OSBPL9: variants seen among roughly 807,000 people sequenced by gnomAD.
OSBPL9 encodes oxysterol-binding protein-related protein 9.
A neutral mutation model predicts 106.6 loss-of-function variants in OSBPL9; 40 were observed. That is an observed-to-expected ratio of 0.38 (90% confidence interval 0.29 to 0.49). OSBPL9 has a LOEUF of 0.49. OSBPL9 is among the 20% of genes least tolerant of loss of function. The pLI, the probability that OSBPL9 is intolerant of heterozygous loss-of-function variation, is 0.97. For missense variants in OSBPL9, 609 were observed against 887.2 expected (o/e 0.69, Z 3.98); for synonymous variants, 269 against 295.4 (o/e 0.91, Z 0.92).
At chr1:51,539,525 G>T in the OSBPL9 span, among the ~76,000 whole-genome samples, 1 of 151,998 alleles carries the variant, frequency 6.6e-6, no homozygotes. Context: ...CCATACACCA[G>T]CTACAATGAC....
the OSBPL9 span, among the ~76,000 whole-genome samples, chr1:51,530,176 A>AAAAAAAAAAAAAAAAAAAAAAAAC: frequency 3.7e-5 from 4 of 107,720 alleles, no homozygotes; most frequent in Admixed American, 9.0e-5. Flanking sequence ...GTCTCAAAAA[A>AAAAAAAAAAAAAAAAAAAAAAAAC]AAAAAAAAAA....
chr1:51,621,638 A>G (rs189929755), intron 1 of OSBPL9, among the ~76,000 whole-genome samples: 7 of 152,234 alleles, frequency 4.6e-5, no homozygotes, highest in Non-Finnish European at 8.8e-5. Flanking sequence ...AGAATGTCGC[A>G]AACATTTCTT....
chr1:51,563,955 G>A, the OSBPL9 span, among the ~76,000 whole-genome samples: 1 of 145,870 alleles, frequency 6.9e-6, no homozygotes, highest in South Asian at 2.2e-4. Flanking sequence ...GTGGTGGCAT[G>A]CACCTGGTGG....
chr1:51,731,454 A>G (rs1664387324), intron 4 of OSBPL9, among the ~76,000 whole-genome samples: 1 of 151,998 alleles, frequency 6.6e-6, no homozygotes, highest in Non-Finnish European at 1.5e-5. Context: ...CTCTGTCTCA[A>G]AGCAAAACAA....
rs139620159 is a variant in OSBPL9 at position 51,598,703 on chromosome 1, T to A, written c.-353+510T>A. On this transcript the variant is annotated intron_variant, in intron 2 of 25. Coordinates refer to the OSBPL9 transcript ENST00000371714. Reference sequence around the variant, plus strand: ...TAGTTGGGTGCAGTTTTAAAAGGAGTGTGACATGGGCTGGGCACGGTGGCT... The same window carrying A: ...TAGTTGGGTGCAGTTTTAAAAGGAGAGTGACATGGGCTGGGCACGGTGGCT... 2.3e-3 allele frequency among the ~76,000 whole-genome samples: 351 copies of A among 152,042 alleles called. 3 individuals carry two copies. Among genetic ancestry groups the A allele is most frequent in the African/African-American group, 8.2e-3 (342 of 41,474 alleles).
At chr1:51,760,964 A>G (rs949646764) in intron 10 of OSBPL9, among the ~76,000 whole-genome samples, 184 bp downstream of exon 10, 6 of 152,262 alleles carry the variant, frequency 3.9e-5, no homozygotes, top group Non-Finnish European at 7.3e-5. Flanking sequence ...TTGGGGCTTT[A>G]CTGAAGTGTG....
intron 3 of OSBPL9, among the ~76,000 whole-genome samples, chr1:51,703,124 G>A (rs1657667986): frequency 6.6e-6 from 1 of 152,168 alleles, no homozygotes; most frequent in Non-Finnish European, 1.5e-5. Context: ...TGGCAATGTG[G>A]GCTCTTTTTT....
At chr1:51,602,018 C>CTTTTTTTTTTTTTTTTTTTTTTT (rs758760414) in intron 2 of OSBPL9, among the ~76,000 whole-genome samples, 2 of 76,406 alleles carry the variant, frequency 2.6e-5, no homozygotes, top group Non-Finnish European at 4.5e-5. Context: ...TCTTGGGGTT[C>CTTTTTTTTTTTTTTTTTTTTTTT]TTTTTTTTTT....
the OSBPL9 span, among the ~76,000 whole-genome samples, chr1:51,529,787 C>T: frequency 1.3e-5 from 2 of 150,692 alleles, no homozygotes; most frequent in Non-Finnish European, 2.9e-5. Context: ...CTACGTCATA[C>T]CAGATGCCAA....
intron 3 of OSBPL9, among the ~76,000 whole-genome samples, chr1:51,690,001 G>A (rs1654628878): frequency 6.6e-6 from 1 of 152,058 alleles, no homozygotes; most frequent in Admixed American, 6.5e-5. Context: ...TGACATTTGA[G>A]TGAATTCTCT....
chr1:51,632,580 C>G (rs1042120950), intron 1 of OSBPL9, among the ~76,000 whole-genome samples: 5 of 152,082 alleles, frequency 3.3e-5, no homozygotes, highest in Admixed American at 6.6e-5. Flanking sequence ...TCTGCAGAGG[C>G]CTTTGTAAAT....
intron 12 of OSBPL9, among the ~76,000 whole-genome samples, chr1:51,770,790 A>T (rs1166516929): frequency 1.3e-5 from 2 of 152,218 alleles, no homozygotes; most frequent in Non-Finnish European, 2.9e-5. Context: ...AATATATTCT[A>T]ATTTTAGAAT....
chr1:51,550,010 A>G, the OSBPL9 span, among the ~76,000 whole-genome samples: 20 of 152,214 alleles, frequency 1.3e-4, no homozygotes, highest in African/African-American at 4.8e-4. Context: ...TTATAGGGTT[A>G]TTGTTTTATG....
intron 5 of OSBPL9, 94 bp from the exon 6 acceptor site, chr1:51,746,616 G>A (rs1411535360): frequency 1.1e-6 from 1 of 908,394 alleles, no homozygotes; most frequent in Non-Finnish European, 1.7e-6. Context: ...GACAAAATGT[G>A]TTTAAGAACA....
intron 1 of OSBPL9, among the ~76,000 whole-genome samples, chr1:51,647,327 A>G (rs1570768492): frequency 6.6e-6 from 1 of 152,106 alleles, no homozygotes; most frequent in African/African-American, 2.4e-5. Context: ...TTTGTTCGCT[A>G]GTATTTTGTT....
At chr1:51,654,014 A>G (rs1646675442) in intron 2 of OSBPL9, among the ~76,000 whole-genome samples, 1 of 152,094 alleles carries the variant, frequency 6.6e-6, no homozygotes, top group Non-Finnish European at 1.5e-5. Context: ...TATCTGAAAA[A>G]AAAGAAAAAA....
chr1:51,656,909 C>T (rs973707238), intron 2 of OSBPL9, among the ~76,000 whole-genome samples: 6 of 152,068 alleles, frequency 3.9e-5, no homozygotes, highest in African/African-American at 1.4e-4. Context: ...AACTCCCGAC[C>T]TCAGGCAGTC....
At chr1:51,627,575 C>T (rs1644842813) in intron 1 of OSBPL9, among the ~76,000 whole-genome samples, 1 of 152,082 alleles carries the variant, frequency 6.6e-6, no homozygotes, top group Non-Finnish European at 1.5e-5. Flanking sequence ...AAATGTAAAT[C>T]TTCTAACTTT....
intron 1 of OSBPL9, among the ~76,000 whole-genome samples, chr1:51,618,763 C>G (rs1293383059): frequency 6.6e-6 from 1 of 152,118 alleles, no homozygotes; most frequent in Non-Finnish European, 1.5e-5. Flanking sequence ...CATTTAATAT[C>G]CCCAGTTACA....
Sources: gnomAD v4.1 joint callset for allele counts (sites outside exome capture counted in the v4.1 genomes callset) on GRCh38, gnomAD v4.1.1 for gene constraint, MANE v1.5 for transcripts, NCBI Gene and HGNC (gene_info 2026-07-23, HGNC 2026-07-21) for gene names.